Variants in MLXIP observed in about 807,000 individuals in gnomAD.
MLXIP encodes the protein MLX-interacting protein.
In MLXIP, 30 loss-of-function variants were observed where a neutral mutation model predicts 87.2. That is an observed-to-expected ratio of 0.34 (90% CI 0.26 to 0.47). The LOEUF is 0.47. Among genes scored for constraint, MLXIP ranks in the 20% least tolerant of loss-of-function variants. The pLI is 1.00. For missense variants in MLXIP, 1,002 were observed against 1,240.1 expected, an observed-to-expected ratio of 0.81 and a Z score of 2.88; for synonymous variants, 530 against 514.0, an observed-to-expected ratio of 1.03 and a Z score of -0.42.
At chr12:122,093,657 TTGA>T (rs1274692682) in intron 1 of MLXIP, among the ~76,000 whole-genome samples, 24 of 121,958 alleles carry the variant, frequency 2.0e-4, no homozygotes, top group African/African-American at 6.9e-4. Flanking sequence ...GGTGTGTGTG[TTGA>T]TATGTGTGTG....
Position 122,144,658 on chromosome 12 carries a change from G to C in MLXIP, c.*2846G>C, listed in dbSNP as rs796901099. On this transcript the variant is annotated 3_prime_UTR_variant, in exon 17 of 17. Transcript: ENST00000319080. ...CCCAGCACTTTGGTAGGCCAAGGCG[G>C]GTGGATCACCTGCAGTCAGGAGTTC... 7 of 152,298 alleles carry C rather than the reference G, an allele frequency of 4.6e-5. No homozygotes were observed. The highest frequency in any genetic ancestry group is 1.7e-4 in the African/African-American group (7 of 41,576). The allele number at this position is 152,298 out of a possible 1,614,324, so 9.4% of individuals were successfully genotyped here. A position where few individuals can be genotyped will look rare whatever the true frequency, so the allele number is the denominator to read the frequency against.
intron 2 of MLXIP, 45 bp downstream of exon 2, chr12:122,127,407 C>T (rs373779941): frequency 4.3e-5 from 61 of 1,423,318 alleles, no homozygotes; most frequent in African/African-American, 2.6e-4. Flanking sequence ...CAGAACTTCA[C>T]GGCCTGGAGG....
chr12:122,115,916 A>G (rs1952682971), intron 1 of MLXIP, among the ~76,000 whole-genome samples: 1 of 151,938 alleles, frequency 6.6e-6, no homozygotes, highest in African/African-American at 2.4e-5. Context: ...GCCAGGCATG[A>G]TGGCAGTACC....
At chr12:122,094,278 A>G (rs1346740052) in intron 1 of MLXIP, among the ~76,000 whole-genome samples, 5 of 64,476 alleles carry the variant, frequency 7.8e-5, no homozygotes, top group Admixed American at 3.6e-4. Flanking sequence ...GGTGTGTGCG[A>G]TGTCTGTGTG....
At chr12:122,102,054 A>T (rs537323436) in intron 1 of MLXIP, among the ~76,000 whole-genome samples, 4 of 152,192 alleles carry the variant, frequency 2.6e-5, no homozygotes, top group Non-Finnish European at 5.9e-5. Flanking sequence ...CTTGAGATAT[A>T]TTCTCAAAAG....
chr12:122,134,990 A>G (rs893141903), intron 9 of MLXIP: 20 of 496,088 alleles, frequency 4.0e-5, no homozygotes, highest in Middle Eastern at 3.0e-4. Flanking sequence ...TCTTTTTTTT[A>G]AAGTTAGTCA....
rs1245601850 is a variant in MLXIP, at chr12:122,144,884, C to G, written c.*3072C>G. 1 of 151,184 alleles carries G rather than the reference C, an allele frequency of 6.6e-6. No individual in the cohort carries two copies. Among genetic ancestry groups the G allele is most frequent in the East Asian group, 1.9e-4 (1 of 5,166 alleles). 9.4% of individuals were successfully genotyped at this position (151,184 alleles called of 1,614,324 possible). A position where few individuals can be genotyped will look rare whatever the true frequency, so the allele number is the denominator to read the frequency against. ...CCTGGGTGACAGAGCAAAACCCTAT[C>G]TCAAAAAAAAAAAGAAGAAAAAAAT... On this transcript the variant is annotated 3_prime_UTR_variant, in exon 17 of 17. Coordinates refer to ENST00000319080, the MANE Select transcript of MLXIP (RefSeq NM_014938.6).
At position 122,135,623 on chromosome 12, in the gene MLXIP, C is replaced by G. The variant is rs550403010; in HGVS notation, c.1989C>G (p.Val663=). 1 of 1,559,190 alleles carries G rather than the reference C, an allele frequency of 6.4e-7. No individual in the cohort carries two copies. Among genetic ancestry groups the G allele is most frequent in the South Asian group, 1.2e-5 (1 of 82,098 alleles). ...ACCCCCTGGGGAAGGGCGAGCAGGT[C>G]CCGCTGCATGGGGGCAGCCCCCAGG... ...AQDPLGKGEQ[V]PLHGGSPQVT... is the part of the protein sequence containing the mutation. Residue 663 remains valine (V), a synonymous_variant, in exon 11 of 17, where the codon GTC becomes GTG. Transcript: ENST00000319080. This position sits in a 1 kb window ranked among gnomAD's most constrained non-coding sequence, Gnocchi z 5.3.
At chr12:122,081,588 C>T (rs367884460) in intron 1 of MLXIP, among the ~76,000 whole-genome samples, 6 of 151,956 alleles carry the variant, frequency 3.9e-5, no homozygotes, top group African/African-American at 7.2e-5. Context: ...TTTGGGAGGC[C>T]GAGGTGGGGG....
At chr12:122,102,934 G>C (rs1421714461) in intron 1 of MLXIP, among the ~76,000 whole-genome samples, 1 of 152,114 alleles carries the variant, frequency 6.6e-6, no homozygotes, top group African/African-American at 2.4e-5. Context: ...AAGAGTGTGG[G>C]CATTTCTTTT....
rs551311167 is a variant in MLXIP at position 122,081,666 on chromosome 12, AAAAG to A, written c.413+2412_413+2415del. Among the ~76,000 whole-genome samples the A allele has an allele frequency of 7.9e-5, 12 of 152,322 alleles. 1 individual carries two copies. Among genetic ancestry groups the A allele is most frequent in the South Asian group, 6.2e-4 (3 of 4,832 alleles). ...GCAAGATCCCCATCTCTAAAAAAGA[AAAAG>A]AAAGAAAGAAAAAAAGGGATTGGGG... is the stretch of plus-strand genomic sequence containing the variant. On this transcript the variant is annotated intron_variant, in intron 1 of 16. Coordinates refer to ENST00000319080, the MANE Select transcript of MLXIP (RefSeq NM_014938.6).
At chr12:122,117,401 G>A (rs1317169361) in intron 1 of MLXIP, among the ~76,000 whole-genome samples, 1 of 152,216 alleles carries the variant, frequency 6.6e-6, no homozygotes, top group African/African-American at 2.4e-5. Context: ...TTCGTCTGTA[G>A]CCTGTTAGCT....
chr12:122,130,642 T>C (rs1390846444), intron 6 of MLXIP, among the ~76,000 whole-genome samples: 1 of 151,932 alleles, frequency 6.6e-6, no homozygotes, highest in Non-Finnish European at 1.5e-5. Flanking sequence ...TACTCAATTT[T>C]ACCTTCCTGG....
At chr12:122,081,212 T>C (rs939636147) in intron 1 of MLXIP, among the ~76,000 whole-genome samples, 1 of 152,222 alleles carries the variant, frequency 6.6e-6, no homozygotes, top group African/African-American at 2.4e-5. Flanking sequence ...TCTCTCACTT[T>C]CGCTGCTTTT....
At chr12:122,110,810 G>T (rs987430329) in intron 1 of MLXIP, among the ~76,000 whole-genome samples, 3 of 151,646 alleles carry the variant, frequency 2.0e-5, no homozygotes, top group Non-Finnish European at 4.4e-5. Flanking sequence ...GGGCGCAGTG[G>T]CTCACGCCTG....
chr12:122,083,936 C>T (rs1202914833), intron 1 of MLXIP, among the ~76,000 whole-genome samples: 2 of 152,200 alleles, frequency 1.3e-5, no homozygotes, highest in African/African-American at 2.4e-5. Flanking sequence ...TCTTCTCCTG[C>T]GTTCTTCAGT....
At chr12:122,122,444 C>T (rs899242455) in intron 1 of MLXIP, among the ~76,000 whole-genome samples, 4 of 152,262 alleles carry the variant, frequency 2.6e-5, no homozygotes, top group Non-Finnish European at 5.9e-5. Flanking sequence ...GCTCACTGCA[C>T]CCTCCAACTC....
chr12:122,089,009 CAAAAA>C (rs1177216284), intron 1 of MLXIP, among the ~76,000 whole-genome samples: 2 of 47,838 alleles, frequency 4.2e-5, no homozygotes, highest in Non-Finnish European at 1.0e-4. Flanking sequence ...CCCATCTCTA[CAAAAA>C]AAAAAAAAAA....
At position 122,135,661 on chromosome 12, in the gene MLXIP, G is replaced by C; in HGVS notation, c.2027G>C (p.Gly676Ala). ...HGGSPQVTVT[G>A]PSRDCPNSGQ... is the part of the protein sequence containing the mutation. ...GGCAGCCCCCAGGTCACTGTCACAG[G>C]GCCCAGTGAGTGTTCACTCGGCGGG... Residue 676 changes from glycine to alanine, a missense_variant, in exon 11 of 17, where the codon GGG becomes GCG. Physicochemically the swap from Gly to Ala is moderately conservative, Grantham distance 60. This residue lies in a region of MLXIP where 746 missense variants were observed against 897.0 expected (regional missense o/e 0.83). Coordinates refer to ENST00000319080, the MANE Select transcript of MLXIP (RefSeq NM_014938.6). The surrounding 1 kb of genome is among the most constrained non-coding windows in gnomAD (Gnocchi z 5.3). The C allele has an allele frequency of 1.6e-5, 24 of 1,497,786 alleles. No homozygotes were observed. Among genetic ancestry groups the C allele is most frequent in the Non-Finnish European group, 2.1e-5 (24 of 1,124,144 alleles). 92.8% of individuals were successfully genotyped at this position (1,497,786 alleles called of 1,614,324 possible).
Sources: gnomAD v4.1 joint callset for allele counts (sites outside exome capture counted in the v4.1 genomes callset) on GRCh38, gnomAD v4.1.1 for gene constraint, gnomAD v4.1.1 regional missense constraint, Gnocchi (gnomAD v3.1) non-coding constraint, MANE v1.5 for transcripts, NCBI Gene and HGNC (gene_info 2026-07-23, HGNC 2026-07-21) for gene names.